Variants in PKD1L3 observed in about 807,000 individuals in gnomAD.
PKD1L3 encodes polycystin 1 like 3, transient receptor potential channel interacting, also known as polycystin-1-like protein 3.
PKD1L3 carries 239 observed loss-of-function variants against 184.1 expected under a neutral mutation model. The observed-to-expected ratio is 1.30, with a 90% CI of 1.17 to 1.45. PKD1L3 has a LOEUF of 1.45. Ranked by LOEUF, PKD1L3 falls within the 40% of genes most tolerant of loss-of-function variation. The pLI is 0.00. For synonymous variants in PKD1L3, 996 were observed against 778.8 expected (o/e 1.28, Z -4.64); for missense variants, 2,660 against 2,067.2 (o/e 1.29, Z -5.56).
chr16:71,985,592 T>C (rs1395277353), intron 5 of PKD1L3, among the ~76,000 whole-genome samples: 1 of 151,180 alleles, frequency 6.6e-6, no homozygotes. Flanking sequence ...CCACCACACC[T>C]GGCTAATTTT....
intron 13 of PKD1L3, among the ~76,000 whole-genome samples, chr16:71,969,471 CTTTTTTT>C (rs71391427): frequency 1.7e-5 from 2 of 117,406 alleles, no homozygotes; most frequent in Non-Finnish European, 3.4e-5. Flanking sequence ...ATGCCAGGCT[CTTTTTTT>C]TTTTTTTTTT....
intron 15 of PKD1L3, among the ~76,000 whole-genome samples, chr16:71,965,969 C>G (rs1288310479): frequency 6.6e-6 from 1 of 151,934 alleles, no homozygotes; most frequent in Non-Finnish European, 1.5e-5. Context: ...ACATTATTCA[C>G]TTTTTTAAAT....
chr16:71,937,210 C>A (rs2038210453), intron 25 of PKD1L3, 82 bp downstream of exon 25: 1 of 1,394,488 alleles, frequency 7.2e-7, no homozygotes, highest in Admixed American at 2.2e-5. Flanking sequence ...TGCATGCCAC[C>A]ACACCTGGGT....
intron 24 of PKD1L3, among the ~76,000 whole-genome samples, chr16:71,937,680 G>C (rs537371427): frequency 6.6e-6 from 1 of 152,074 alleles, no homozygotes; most frequent in Non-Finnish European, 1.5e-5. Flanking sequence ...GGGAGGTGTC[G>C]GTGGCTTAAC....
At chr16:71,968,479 G>A (rs1331580490) in intron 13 of PKD1L3, among the ~76,000 whole-genome samples, 6 of 152,148 alleles carry the variant, frequency 3.9e-5, no homozygotes, top group South Asian at 2.1e-4. Flanking sequence ...AACACTTGGC[G>A]TATTCTAGAA....
intron 5 of PKD1L3, among the ~76,000 whole-genome samples, chr16:71,985,909 G>A (rs372957140): frequency 1.8e-4 from 28 of 152,312 alleles, no homozygotes; most frequent in South Asian, 6.2e-4. Context: ...GGCGGAGAGA[G>A]GGGACAGTGA....
intron 11 of PKD1L3, among the ~76,000 whole-genome samples, chr16:71,975,086 T>G (rs979171401): frequency 1.3e-5 from 2 of 152,152 alleles, no homozygotes; most frequent in African/African-American, 4.8e-5. Context: ...GACAGTGTCT[T>G]GCTCTGTCAC....
At position 71,942,752 on chromosome 16, in the gene PKD1L3, C is replaced by T. The variant is rs775878532; in HGVS notation, c.4132G>A (p.Val1378Met). The T allele has an allele frequency of 6.4e-7, 1 of 1,551,696 alleles. No homozygotes were observed. The highest frequency in any genetic ancestry group is 1.2e-5 in the South Asian group (1 of 84,066). Reference protein sequence around the residue: ...QIPRTKTYEKVDEGQLAFCDN... With the variant: ...QIPRTKTYEKMDEGQLAFCDN... The stretch of plus-strand genomic sequence containing the variant: ...CAAAACGCCAGCTGACCTTCGTCCA[C>T]TTTCTCATAGGTCTTGGTACGGGGT... The change falls in exon 24 of 30, where the codon GTG becomes ATG. Residue 1378 changes from valine (V) to methionine (M), a missense_variant. Physicochemically the swap from Val to Met is conservative, Grantham distance 21. Transcript: ENST00000620267.
chr16:71,983,717 A>C (rs2143772688), intron 6 of PKD1L3, among the ~76,000 whole-genome samples: 1 of 110,452 alleles, frequency 9.1e-6, no homozygotes, highest in Middle Eastern at 9.1e-3. Context: ...CCCAGGCTGG[A>C]GTGGAGTGGC....
chr16:71,986,580 G>A (rs1163752445), intron 4 of PKD1L3, 111 bp from the exon 5 acceptor site: 2 of 1,230,614 alleles, frequency 1.6e-6, no homozygotes, highest in Non-Finnish European at 2.2e-6. Flanking sequence ...GATACTAATA[G>A]GCATTTCTGT....
intron 26 of PKD1L3, among the ~76,000 whole-genome samples, chr16:71,934,412 T>G (rs1000144387): frequency 2.0e-5 from 3 of 152,142 alleles, no homozygotes; most frequent in African/African-American, 7.2e-5. Flanking sequence ...AAATTCATCC[T>G]GGGAAGCAAA....
chr16:71,987,134 A>T (rs1020186183), intron 4 of PKD1L3, among the ~76,000 whole-genome samples: 2 of 151,132 alleles, frequency 1.3e-5, no homozygotes, highest in Non-Finnish European at 2.9e-5. Flanking sequence ...CATGTTGGCC[A>T]GGATGGTCTC....
At chr16:71,965,302 G>A (rs1460161703) in intron 15 of PKD1L3, among the ~76,000 whole-genome samples, 1 of 152,188 alleles carries the variant, frequency 6.6e-6, no homozygotes, top group Non-Finnish European at 1.5e-5. Context: ...CATTTGTGAT[G>A]TTTTCTGTTT....
chr16:71,938,663 G>A (rs1289612829), intron 24 of PKD1L3, among the ~76,000 whole-genome samples: 1 of 152,208 alleles, frequency 6.6e-6, no homozygotes, highest in Non-Finnish European at 1.5e-5. Context: ...ACCAGACTCA[G>A]CCAGACTTGG....
intron 10 of PKD1L3, 125 bp downstream of exon 10, chr16:71,978,130 G>T: frequency 8.5e-7 from 1 of 1,172,194 alleles, no homozygotes; most frequent in Non-Finnish European, 1.2e-6. Context: ...TTCCTAAGAT[G>T]TTAATAACAA....
intron 13 of PKD1L3, among the ~76,000 whole-genome samples, chr16:71,969,537 C>G (rs1164594243): frequency 1.4e-5 from 2 of 144,444 alleles, no homozygotes; most frequent in Non-Finnish European, 3.0e-5. Context: ...GCCTTGAACT[C>G]TTGAGCTCAA....
At chr16:71,983,961 C>T in intron 6 of PKD1L3, 75 bp downstream of exon 6, 2 of 1,522,486 alleles carry the variant, frequency 1.3e-6, no homozygotes, top group Non-Finnish European at 1.8e-6. Context: ...CCGCACCCAG[C>T]CTCAGATTCT....
intron 9 of PKD1L3, among the ~76,000 whole-genome samples, chr16:71,979,128 T>G (rs1205691348): frequency 6.6e-6 from 1 of 152,150 alleles, no homozygotes; most frequent in Non-Finnish European, 1.5e-5. Context: ...CAATAATTAT[T>G]TAGATAGTCT....
chr16:71,936,448 C>T (rs1460920397), intron 25 of PKD1L3, among the ~76,000 whole-genome samples: 1 of 151,742 alleles, frequency 6.6e-6, no homozygotes, highest in African/African-American at 2.4e-5. Context: ...GGTGATCAAC[C>T]CATCTTGGCC....
Sources: allele counts gnomAD v4.1 joint callset (sites outside exome capture counted in the v4.1 genomes callset), GRCh38; gene constraint gnomAD v4.1.1; transcripts MANE v1.5; gene names NCBI Gene and HGNC (gene_info 2026-07-23, HGNC 2026-07-21).